Variants in SNTG2 observed in about 807,000 individuals in gnomAD.
The protein encoded by SNTG2 is gamma-2-syntrophin.
A neutral mutation model predicts 70.9 loss-of-function variants in SNTG2; 74 were observed. The ratio of observed to expected loss-of-function variants is 1.04; its 90% confidence interval spans 0.86 to 1.27. The LOEUF is 1.27. Ranked by LOEUF, SNTG2 falls within the 50% of genes most tolerant of loss-of-function variation. The probability of loss-of-function intolerance (pLI) is 0.00; values close to 1 mark genes in which losing one functional copy is unlikely to be tolerated. For synonymous variants in SNTG2, 278 were observed against 273.8 expected (o/e 1.02, Z -0.15); for missense variants, 717 against 690.7 (o/e 1.04, Z -0.43).
intron 16 of SNTG2, among the ~76,000 whole-genome samples, chr2:1,352,387 T>A (rs1660627091): frequency 6.6e-6 from 1 of 152,010 alleles, no homozygotes; most frequent in Non-Finnish European, 1.5e-5. Context: ...TGAGCTCCTT[T>A]GGACTGGGAT....
At chr2:1,074,010 A>G (rs553213210) in intron 1 of SNTG2, among the ~76,000 whole-genome samples, 161 of 152,278 alleles carry the variant, frequency 1.1e-3, no homozygotes, top group Admixed American at 2.9e-3. Flanking sequence ...GACAAGATAA[A>G]GATGTTGGAT....
intron 6 of SNTG2, among the ~76,000 whole-genome samples, chr2:1,154,297 G>T (rs1438191801): frequency 2.0e-5 from 3 of 152,194 alleles, no homozygotes; most frequent in Non-Finnish European, 4.4e-5. Context: ...GCGTGGAGAT[G>T]GCATCTTCCC....
At chr2:1,145,290 A>G (rs996078494) in intron 6 of SNTG2, among the ~76,000 whole-genome samples, 1 of 4,318 alleles carries the variant, frequency 2.3e-4, no homozygotes, top group African/African-American at 3.2e-4. Context: ...CAAGATAGGA[A>G]AAAAAAAGCT....
rs1224182804 is a variant in SNTG2, at chr2:1,367,375, G to T, written c.1521G>T (p.Leu507=). ...ELEFQDLRAV[L]HCIHSFIAAK... The stretch of plus-strand genomic sequence containing the variant: ...AGTTCCAGGACCTGAGGGCTGTCCT[G>T]CACTGCATCCACTCCTTCATAGCAG... The change falls in exon 17 of 17, where the codon CTG becomes CTT. Residue 507 remains leucine, a synonymous_variant. Transcript: ENST00000308624. The T allele has an allele frequency of 1.3e-6, 2 of 1,551,614 alleles. No homozygotes were observed. The highest frequency in any genetic ancestry group is 2.4e-5 in the East Asian group (1 of 40,904).
intron 9 of SNTG2, among the ~76,000 whole-genome samples, chr2:1,220,839 G>C (rs1012501308): frequency 5.3e-5 from 8 of 152,174 alleles, no homozygotes; most frequent in Non-Finnish European, 1.0e-4. Context: ...GGTGTCTTCC[G>C]TGGTGCCCAG....
At chr2:966,099 T>C (rs1660556840) in intron 1 of SNTG2, among the ~76,000 whole-genome samples, 1 of 152,182 alleles carries the variant, frequency 6.6e-6, no homozygotes, top group African/African-American at 2.4e-5. Context: ...TCACAGCGAG[T>C]CCTGCCCTGG....
intron 14 of SNTG2, among the ~76,000 whole-genome samples, chr2:1,270,734 C>CTT (rs1247686958): frequency 1.3e-5 from 2 of 152,210 alleles, no homozygotes; most frequent in Non-Finnish European, 2.9e-5. Flanking sequence ...TGCTGGATTT[C>CTT]TTTTCTCCAC....
At chr2:1,305,585 A>G (rs373909007) in intron 14 of SNTG2, among the ~76,000 whole-genome samples, 3 of 152,220 alleles carry the variant, frequency 2.0e-5, no homozygotes, top group Non-Finnish European at 2.9e-5. Context: ...GGAAAGTTCT[A>G]TGATAAGACT....
At chr2:992,815 G>C (rs552003678) in intron 1 of SNTG2, among the ~76,000 whole-genome samples, 1 of 152,248 alleles carries the variant, frequency 6.6e-6, no homozygotes, top group South Asian at 2.1e-4. Context: ...ATAGTATCAT[G>C]CACCATACTA....
At chr2:1,072,109 A>G (rs868094348) in intron 1 of SNTG2, among the ~76,000 whole-genome samples, 1 of 152,210 alleles carries the variant, frequency 6.6e-6, no homozygotes, top group Non-Finnish European at 1.5e-5. Context: ...AGATCCAGCT[A>G]AGATCATTGA....
chr2:1,139,022 G>A (rs1668578572), intron 6 of SNTG2, among the ~76,000 whole-genome samples: 1 of 152,194 alleles, frequency 6.6e-6, no homozygotes, highest in Non-Finnish European at 1.5e-5. Context: ...GCTAGGCAGA[G>A]GAAGGAGTCA....
chr2:1,244,353 C>T (rs541814729), intron 11 of SNTG2, among the ~76,000 whole-genome samples: 2 of 152,048 alleles, frequency 1.3e-5, no homozygotes, highest in Middle Eastern at 3.2e-3. Context: ...TGTGACTCCT[C>T]GTAATAAATA....
intron 13 of SNTG2, among the ~76,000 whole-genome samples, chr2:1,260,129 A>C (rs1678340993): frequency 6.6e-6 from 1 of 152,264 alleles, no homozygotes; most frequent in South Asian, 2.1e-4. Context: ...GTTTAAATGT[A>C]CGTACCTTTT....
intron 1 of SNTG2, among the ~76,000 whole-genome samples, chr2:1,063,238 A>G (rs1281407074): frequency 6.6e-6 from 1 of 152,170 alleles, no homozygotes; most frequent in East Asian, 1.9e-4. Context: ...TCCACCGGTG[A>G]TGCTGCCGGG....
At chr2:1,302,537 T>G (rs1680498957) in intron 14 of SNTG2, among the ~76,000 whole-genome samples, 1 of 92,664 alleles carries the variant, frequency 1.1e-5, no homozygotes, top group African/African-American at 4.9e-5. Context: ...TAAATTGGAA[T>G]GCTAAAAAAA....
chr2:1,336,181 CAATTTCCAATT>C (rs545445612), intron 16 of SNTG2, among the ~76,000 whole-genome samples: 340 of 152,276 alleles, frequency 2.2e-3, no homozygotes, highest in African/African-American at 7.7e-3. Context: ...TTGGAGGTGT[CAATTTCCAATT>C]CTCCCCACTC....
chr2:1,245,296 T>G lies in SNTG2; in HGVS notation c.889-2031T>G, dbSNP rs555674556. On this transcript the variant is annotated intron_variant, in intron 11 of 16. Transcript: ENST00000308624. ...AAAAAAAAAGGAAAAAAAAAAGAAATAAGTCCTCCTCAAGAGCTTTAGCAA... is the reference window on the plus strand; with the variant it reads ...AAAAAAAAAGGAAAAAAAAAAGAAAGAAGTCCTCCTCAAGAGCTTTAGCAA... Among the ~76,000 whole-genome samples, 115 of 151,476 alleles carry G rather than the reference T, an allele frequency of 7.6e-4. 1 individual carries two copies. Among genetic ancestry groups the G allele is most frequent in the African/African-American group, 2.6e-3 (106 of 41,276 alleles).
At chr2:1,205,161 T>G (rs1260611124) in intron 8 of SNTG2, among the ~76,000 whole-genome samples, 6 of 152,184 alleles carry the variant, frequency 3.9e-5, no homozygotes, top group Middle Eastern at 3.2e-3. Flanking sequence ...CGAACACTAC[T>G]TTGTGTCCAT....
intron 1 of SNTG2, among the ~76,000 whole-genome samples, chr2:968,489 CTTA>C (rs1231418304): frequency 1.3e-5 from 2 of 151,722 alleles, no homozygotes; most frequent in South Asian, 2.1e-4. Context: ...GATTTTTGTG[CTTA>C]TTATTTTCTC....
Sources: gnomAD v4.1 joint callset for allele counts (sites outside exome capture counted in the v4.1 genomes callset) on GRCh38, gnomAD v4.1.1 for gene constraint, MANE v1.5 for transcripts, NCBI Gene and HGNC (gene_info 2026-07-23, HGNC 2026-07-21) for gene names.